The following CHFR variants were observed in gnomAD, a reference collection of about 807,000 sequenced individuals.
CHFR encodes the protein E3 ubiquitin-protein ligase CHFR.
CHFR carries 57 observed loss-of-function variants against 87.6 expected under a neutral mutation model. The ratio of observed to expected loss-of-function variants is 0.65; its 90% CI spans 0.53 to 0.81. CHFR has a LOEUF of 0.81. Ranked by LOEUF, CHFR falls within the 30% of genes least tolerant of loss-of-function variation. The probability of loss-of-function intolerance (pLI) is 0.00; values close to 1 mark genes in which losing one functional copy is unlikely to be tolerated. For missense variants in CHFR, 797 were observed against 865.8 expected (o/e 0.92, Z 1.00); for synonymous variants, 381 against 359.2 (o/e 1.06, Z -0.69).
intron 10 of CHFR, among the ~76,000 whole-genome samples, chr12:132,856,249 A>T (rs930152097): frequency 6.6e-6 from 1 of 152,130 alleles, no homozygotes; most frequent in African/African-American, 2.4e-5. Flanking sequence ...CCCCCTGGCT[A>T]CCCCGCTAAG....
At chr12:132,872,484 TATGAC>T in intron 3 of CHFR, 90 bp from the exon 4 acceptor site, 1 of 795,706 alleles carries the variant, frequency 1.3e-6, no homozygotes, top group South Asian at 1.5e-5. Context: ...AGCAGCTCGA[TATGAC>T]CACTCTGGAA....
chr12:132,866,577 TGTTAC>T (rs1196476991), intron 6 of CHFR: 2 of 150,542 alleles, frequency 1.3e-5, no homozygotes, highest in African/African-American at 4.9e-5. Flanking sequence ...CACACCAGAA[TGTTAC>T]AACACACCAG....
At position 132,861,547 on chromosome 12, in the gene CHFR, T is replaced by C. The variant is rs560433355; in HGVS notation, c.671A>G (p.Asp224Gly). ...EVSSFASALPDRKTASFSSLE... is the reference protein window; with the variant it reads ...EVSSFASALPGRKTASFSSLE... ...CGACGAAAAGGACGCAGTCTTTCTG[T>C]CTGGGAGAGCTGAGGCAAAGCTGGA... Residue 224 changes from aspartate (D) to glycine (G), a missense_variant, in exon 7 of 18, where the codon GAC becomes GGC. Around this residue, in one of 2 missense-constraint regions of CHFR, gnomAD observed 597 missense variants for 601.2 expected, o/e 0.99. Transcript: ENST00000450056. 1.9e-6 allele frequency: 3 copies of C among 1,614,196 alleles called. No individual in the cohort carries two copies. The Admixed American group carries it at 5.0e-5, about 27-fold the overall frequency.
chr12:132,847,990 A>G, intron 14 of CHFR, 95 bp downstream of exon 14: 9 of 1,591,674 alleles, frequency 5.7e-6, no homozygotes, highest in Non-Finnish European at 7.7e-6. Flanking sequence ...CGGGTCAGGT[A>G]AAACAGATAA....
In CHFR at chr12:132,839,781, C is replaced by T. The variant is rs555579771; in HGVS notation, c.*1773G>A. ...TGCACAAACTTGGGACCTCCCTTCT[C>T]GGCCTCACCCCTGCACTAACTAGGG... On this transcript the variant is annotated 3_prime_UTR_variant, in exon 18 of 18. Transcript: ENST00000450056. 5.6e-4 allele frequency: 94 copies of T among 168,706 alleles called. No individual in the cohort carries two copies. The highest frequency in any genetic ancestry group is 9.6e-4 in the Non-Finnish European group (76 of 78,824). The allele number at this position is 168,706 out of a possible 1,614,324, so 10.5% of individuals were successfully genotyped here.
rs1390531305 is a variant in CHFR at position 132,877,563 on chromosome 12, T to C, written c.225A>G (p.Glu75=). 6.2e-7 allele frequency: 1 copy of C among 1,606,576 alleles called. No individual in the cohort carries two copies. The highest frequency in any genetic ancestry group is 1.1e-5 in the South Asian group (1 of 90,446). ...VDEKSGQVTL[E]DTSTSGTVIN... ...GCTCAGAACATACTCACCTGGTATC[T>C]TCCAGTGTCACCTGACCTGATTTTT... The change falls in exon 3 of 18, where the codon GAA becomes GAG. Residue 75 remains glutamate (E), a synonymous_variant. Coordinates refer to ENST00000450056, the MANE Select transcript of CHFR (RefSeq NM_001161346.2).
intron 6 of CHFR, among the ~76,000 whole-genome samples, chr12:132,864,739 C>T (rs908862036): frequency 2.0e-5 from 3 of 152,188 alleles, no homozygotes; most frequent in South Asian, 2.1e-4. Context: ...TCCAACCACC[C>T]GGCCTCCCAA....
intron 2 of CHFR, among the ~76,000 whole-genome samples, chr12:132,885,892 C>G (rs1951881233): frequency 6.6e-6 from 1 of 152,172 alleles, no homozygotes; most frequent in South Asian, 2.1e-4. Context: ...AGGGAAAAAT[C>G]TTCAAATACT....
intron 1 of CHFR, 65 bp downstream of exon 1, chr12:132,887,482 C>A: frequency 2.3e-6 from 1 of 431,082 alleles, no homozygotes; most frequent in Non-Finnish European, 3.1e-6. Flanking sequence ...CGGGCGCCCC[C>A]TCCCACGGCC....
At chr12:132,843,839 C>T (rs1950752011) in intron 16 of CHFR, among the ~76,000 whole-genome samples, 188 bp downstream of exon 16, 1 of 151,946 alleles carries the variant, frequency 6.6e-6, no homozygotes. Context: ...ATCCCAGCTA[C>T]TCAGGAGGCT....
rs559393410 is a variant in CHFR at position 132,837,489 on chromosome 12, G to A, written c.*4065C>T. 1.9e-5 allele frequency: 3 copies of A among 154,090 alleles called. No homozygotes were observed. The highest frequency in any genetic ancestry group is 7.2e-5 in the African/African-American group (3 of 41,578). 9.5% of individuals were successfully genotyped at this position (154,090 alleles called of 1,614,324 possible). On this transcript the variant is annotated 3_prime_UTR_variant, in exon 18 of 18. Transcript: ENST00000450056. The stretch of plus-strand genomic sequence containing the variant: ...GGGGTGCCATCCCACACAGGCCACA[G>A]AAGCACACACCCTCGGGCCTGCAGG...
chr12:132,856,740 G>C (rs1173168421), intron 9 of CHFR, 110 bp from the exon 10 acceptor site: 1 of 1,257,820 alleles, frequency 8.0e-7, no homozygotes, highest in African/African-American at 1.4e-5. Flanking sequence ...GAGGGGTCTG[G>C]GCGGACCGCC....
chr12:132,869,753 G>C lies in CHFR; in HGVS notation c.449C>G (p.Pro150Arg). ...CACCTGAGTGGCGGGCGACGACGGA[G>C]GGACCCGGGGATCGGCCCCTCGCCC... ...GAGRGADPRV[P>R]PSSPATQVCF... The change falls in exon 6 of 18, where the codon CCT becomes CGT. Residue 150 changes from proline to arginine, a missense_variant. Transcript: ENST00000450056. The C allele has an allele frequency of 6.4e-7, 1 of 1,551,450 alleles. No individual in the cohort carries two copies. Among genetic ancestry groups the C allele is most frequent in the South Asian group, 1.2e-5 (1 of 84,062 alleles).
intron 11 of CHFR, among the ~76,000 whole-genome samples, chr12:132,852,382 G>A (rs554602217): frequency 2.6e-5 from 4 of 152,220 alleles, no homozygotes; most frequent in South Asian, 2.1e-4. Context: ...TTCAATTTCC[G>A]CTCAGGTGAG....
At chr12:132,878,602 A>C (rs1026521710) in intron 2 of CHFR, among the ~76,000 whole-genome samples, 8 of 151,082 alleles carry the variant, frequency 5.3e-5, no homozygotes, top group African/African-American at 1.9e-4. Context: ...GGCAGATCAC[A>C]AGGTCAGGAG....
intron 2 of CHFR, among the ~76,000 whole-genome samples, chr12:132,878,816 T>C (rs1393167421): frequency 5.5e-5 from 7 of 128,372 alleles, no homozygotes; most frequent in Non-Finnish European, 8.4e-5. Flanking sequence ...CAAGACTCTG[T>C]CTCAAAAAAA....
At chr12:132,849,980 G>C (rs948877351) in intron 12 of CHFR, 3 of 151,636 alleles carry the variant, frequency 2.0e-5, no homozygotes, top group Non-Finnish European at 4.4e-5. Flanking sequence ...TTTAGACAGA[G>C]TCTTGCTCTG....
At chr12:132,883,980 T>C (rs913911873) in intron 2 of CHFR, among the ~76,000 whole-genome samples, 10 of 151,886 alleles carry the variant, frequency 6.6e-5, no homozygotes, top group African/African-American at 2.4e-4. Flanking sequence ...ACTAGCCAGG[T>C]GTGGTGGCAC....
chr12:132,850,964 C>CATATATAT lies in CHFR; in HGVS notation c.1492+646_1492+653dup, dbSNP rs55826641. ...TTTTAATAATAACTGTATGTGTGTGCATATATATATATATATATATATATA... is the reference window on the plus strand; with the variant it reads ...TTTTAATAATAACTGTATGTGTGTGCATATATATATATATATATATATATATATATATA... On this transcript the variant is annotated intron_variant, in intron 12 of 17. Coordinates refer to ENST00000450056, the MANE Select transcript of CHFR (RefSeq NM_001161346.2). 5.3e-3 allele frequency among the ~76,000 whole-genome samples: 712 copies of CATATATAT among 135,554 alleles called. 1 individual carries two copies. Among genetic ancestry groups the CATATATAT allele is most frequent in the Non-Finnish European group, 6.1e-3 (391 of 63,592 alleles). The allele number at this position is 135,554 out of a possible 152,430, so 88.9% of individuals were successfully genotyped here.
Sources: allele counts gnomAD v4.1 joint callset (sites outside exome capture counted in the v4.1 genomes callset), GRCh38; gene constraint gnomAD v4.1.1; regional missense constraint gnomAD v4.1.1; transcripts MANE v1.5; gene names NCBI Gene and HGNC (gene_info 2026-07-23, HGNC 2026-07-21).